The following FOXP2 variants were observed in gnomAD, a reference collection of about 807,000 sequenced individuals.
FOXP2 encodes forkhead box P2.
A neutral mutation model predicts 115.8 loss-of-function variants in FOXP2; 12 were observed. The observed-to-expected ratio is 0.10, with a 90% CI of 0.07 to 0.17. The LOEUF (loss-of-function observed/expected upper bound fraction) is 0.17. Ranked by LOEUF, FOXP2 falls within the 10% of genes least tolerant of loss-of-function variation. The probability of loss-of-function intolerance (pLI) is 1.00; values close to 1 mark genes in which losing one functional copy is unlikely to be tolerated. For synonymous variants in FOXP2, 328 were observed against 297.7 expected (o/e 1.10, Z -1.05); for missense variants, 629 against 843.5 (o/e 0.75, Z 3.15).
intron 1 of FOXP2, among the ~76,000 whole-genome samples, chr7:114,186,076 T>A (rs57883203): frequency 0.061 from 9,255 of 152,030 alleles, 621 homozygotes; most frequent in African/African-American, 0.17. Context: ...CCTAGTCACC[T>A]CTTAAAGGCC....
intron 2 of FOXP2, among the ~76,000 whole-genome samples, chr7:114,454,927 A>C (rs1046657996): frequency 9.3e-5 from 13 of 139,316 alleles, no homozygotes; most frequent in African/African-American, 3.3e-4. Flanking sequence ...CTAGATGACG[A>C]GTTAGTGGGT....
chr7:114,307,797 G>T (rs1301155865), intron 2 of FOXP2, among the ~76,000 whole-genome samples: 2 of 152,164 alleles, frequency 1.3e-5, no homozygotes, highest in Admixed American at 1.3e-4. Context: ...AGGATGTTTA[G>T]GAGTTGCCAA....
chr7:114,189,598 G>A (rs530034262), intron 1 of FOXP2, among the ~76,000 whole-genome samples: 110 of 152,206 alleles, frequency 7.2e-4, no homozygotes, highest in African/African-American at 2.6e-3. Context: ...TAAATGACAA[G>A]TGATCATCTT....
At chr7:114,094,962 G>A (rs927888246) in intron 1 of FOXP2, among the ~76,000 whole-genome samples, 12 of 152,160 alleles carry the variant, frequency 7.9e-5, no homozygotes, top group African/African-American at 2.7e-4. Flanking sequence ...TTGTGACCTG[G>A]CTATTCCAAA....
At chr7:114,653,389 G>C in intron 9 of FOXP2, 1 of 162,910 alleles carries the variant, frequency 6.1e-6, no homozygotes, top group Non-Finnish European at 1.4e-5. Context: ...AAGTGTAGAT[G>C]CCGACTCCGT....
chr7:114,167,374 A>AT (rs1209359162), intron 1 of FOXP2, among the ~76,000 whole-genome samples: 1 of 152,116 alleles, frequency 6.6e-6, no homozygotes, highest in Non-Finnish European at 1.5e-5. Flanking sequence ...GGCATATGCT[A>AT]TTTTGTGGTG....
intron 16 of FOXP2, among the ~76,000 whole-genome samples, chr7:114,677,539 A>T (rs973329865): frequency 6.6e-6 from 1 of 152,240 alleles, no homozygotes; most frequent in African/African-American, 2.4e-5. Context: ...TCTAGGGAAT[A>T]CACTGTGTGA....
At chr7:114,581,525 A>G (rs1801868444) in intron 3 of FOXP2, among the ~76,000 whole-genome samples, 1 of 152,110 alleles carries the variant, frequency 6.6e-6, no homozygotes, top group Admixed American at 6.6e-5. Flanking sequence ...GGAGTTTCTC[A>G]TATACCTCCT....
intron 2 of FOXP2, among the ~76,000 whole-genome samples, chr7:114,380,040 A>G (rs921272755): frequency 6.6e-6 from 1 of 152,110 alleles, no homozygotes; most frequent in African/African-American, 2.4e-5. Context: ...GGGTCCTTCT[A>G]TAAGCATTTC....
intron 16 of FOXP2, among the ~76,000 whole-genome samples, chr7:114,680,260 G>A (rs562142363): frequency 7.9e-5 from 12 of 152,268 alleles, no homozygotes; most frequent in African/African-American, 2.9e-4. Context: ...AAAATGTTGT[G>A]TACTGAAAGG....
At chr7:114,394,782 T>C (rs1405955294) in intron 2 of FOXP2, among the ~76,000 whole-genome samples, 1 of 152,152 alleles carries the variant, frequency 6.6e-6, no homozygotes, top group African/African-American at 2.4e-5. Flanking sequence ...GTCAAGGTCA[T>C]GAAAATCAAA....
At chr7:114,272,725 G>T (rs1424107662) in intron 1 of FOXP2, among the ~76,000 whole-genome samples, 4 of 151,776 alleles carry the variant, frequency 2.6e-5, no homozygotes, top group African/African-American at 7.2e-5. Context: ...TCTGGGCATA[G>T]AATTGTTGAT....
chr7:114,181,982 T>C (rs62469187), intron 1 of FOXP2, among the ~76,000 whole-genome samples: 9,843 of 152,106 alleles, frequency 0.065, 528 homozygotes, highest in Non-Finnish European at 0.096. Flanking sequence ...ATGAACAAAT[T>C]TCTTTTAATT....
At chr7:114,676,763 A>G (rs1240338444) in intron 16 of FOXP2, among the ~76,000 whole-genome samples, 4 of 152,216 alleles carry the variant, frequency 2.6e-5, no homozygotes, top group African/African-American at 9.6e-5. Context: ...ATAAGAAAAG[A>G]TGTAAGGGAA....
At chr7:114,677,991 CA>C (rs1181530392) in intron 16 of FOXP2, among the ~76,000 whole-genome samples, 1 of 152,156 alleles carries the variant, frequency 6.6e-6, no homozygotes, top group African/African-American at 2.4e-5. Flanking sequence ...TAGGTAGTAT[CA>C]GAGACCAAGT....
upstream of FOXP2, among the ~76,000 whole-genome samples, chr7:114,409,684 C>G (rs1793119058): frequency 1.3e-5 from 2 of 152,220 alleles, no homozygotes; most frequent in African/African-American, 4.8e-5. Flanking sequence ...AAAGAAAGTA[C>G]TTGCATCATA....
intron 13 of FOXP2, 89 bp downstream of exon 13, chr7:114,659,762 T>C: frequency 1.0e-6 from 1 of 971,448 alleles, no homozygotes; most frequent in Admixed American, 1.7e-5. Context: ...ATAAGCAGAT[T>C]AGTATCTGCT....
chr7:114,457,287 A>T (rs531995771), intron 2 of FOXP2, among the ~76,000 whole-genome samples: 3 of 152,306 alleles, frequency 2.0e-5, no homozygotes, highest in African/African-American at 4.8e-5. Context: ...TATATACCAG[A>T]AAAAGCATAT....
chr7:114,421,021 G>C (rs1793595809), intron 1 of FOXP2, among the ~76,000 whole-genome samples: 1 of 151,446 alleles, frequency 6.6e-6, no homozygotes, highest in Admixed American at 6.6e-5. Context: ...TAGTTAACCA[G>C]AATTATCAAT....
Sources: gnomAD v4.1 joint callset for allele counts (sites outside exome capture counted in the v4.1 genomes callset) on GRCh38, gnomAD v4.1.1 for gene constraint, MANE v1.5 for transcripts, NCBI Gene and HGNC (gene_info 2026-07-23, HGNC 2026-07-21) for gene names.